Variants in CACNA1E observed in about 807,000 individuals in gnomAD.
CACNA1E encodes the protein calcium voltage-gated channel subunit alpha1 E.
A neutral mutation model predicts 259.2 loss-of-function variants in CACNA1E; 40 were observed. That is an observed-to-expected ratio of 0.15 (90% CI 0.12 to 0.20). The LOEUF (loss-of-function observed/expected upper bound fraction) is 0.20. Ranked by LOEUF, CACNA1E falls within the 10% of genes least tolerant of loss-of-function variation. The pLI, the probability that CACNA1E is intolerant of heterozygous loss-of-function variation, is 1.00. For synonymous variants in CACNA1E, 1,104 were observed against 1,138.5 expected, an observed-to-expected ratio of 0.97 and a Z score of 0.61; for missense variants, 1,874 against 3,040.1, an observed-to-expected ratio of 0.62 and a Z score of 9.02.
At chr1:181,594,059 A>C (rs1388195918) in intron 6 of CACNA1E, among the ~76,000 whole-genome samples, 1 of 152,218 alleles carries the variant, frequency 6.6e-6, no homozygotes, top group African/African-American at 2.4e-5. Context: ...TAAAAAGTTA[A>C]GAACATCATT....
chr1:181,731,873 A>G (rs1472439823), intron 19 of CACNA1E, among the ~76,000 whole-genome samples: 1 of 151,866 alleles, frequency 6.6e-6, no homozygotes, highest in Non-Finnish European at 1.5e-5. Flanking sequence ...TTTTTGTAAT[A>G]AGTCTGCCTG....
At chr1:181,766,309 C>T (rs1376326071) in intron 34 of CACNA1E, among the ~76,000 whole-genome samples, 13 of 152,200 alleles carry the variant, frequency 8.5e-5, no homozygotes, top group Admixed American at 8.5e-4. Flanking sequence ...GAGTGAATCT[C>T]CCTGATAGAG....
At chr1:181,459,482 C>G (rs1177631451) in intron 2 of CACNA1E, among the ~76,000 whole-genome samples, 1 of 152,248 alleles carries the variant, frequency 6.6e-6, no homozygotes, top group Non-Finnish European at 1.5e-5. Flanking sequence ...CCAAGTAAAC[C>G]AGTCATAGTA....
At chr1:181,796,005 C>T (rs1338516392) in intron 46 of CACNA1E, among the ~76,000 whole-genome samples, 3 of 151,854 alleles carry the variant, frequency 2.0e-5, no homozygotes, top group Non-Finnish European at 4.4e-5. Context: ...GCCACCTTCC[C>T]CCCAAAAAGT....
chr1:181,785,547 A>G (rs918541889), intron 42 of CACNA1E, 129 bp downstream of exon 42: 9 of 861,204 alleles, frequency 1.0e-5, no homozygotes, highest in South Asian at 7.2e-5. Context: ...GCGGGGCCCA[A>G]GAACTTTCTA....
chr1:181,431,970 G>T (rs1659744973), intron 2 of CACNA1E, among the ~76,000 whole-genome samples: 1 of 152,118 alleles, frequency 6.6e-6, no homozygotes, highest in Non-Finnish European at 1.5e-5. Context: ...ATGTCAACAG[G>T]GTCTGCCCAC....
chr1:181,709,921 G>T (rs1653169547), intron 7 of CACNA1E, among the ~76,000 whole-genome samples: 1 of 152,226 alleles, frequency 6.6e-6, no homozygotes, highest in Admixed American at 6.5e-5. Context: ...GTTTGGTGAT[G>T]AGAGAGGCAT....
At chr1:181,426,313 C>T (rs1353757151) in intron 2 of CACNA1E, among the ~76,000 whole-genome samples, 2 of 151,952 alleles carry the variant, frequency 1.3e-5, no homozygotes, top group Non-Finnish European at 2.9e-5. Context: ...TATGTCAACC[C>T]TTATCAATTA....
intron 32 of CACNA1E, among the ~76,000 whole-genome samples, chr1:181,761,116 T>C (rs556320323): frequency 4.3e-4 from 66 of 152,350 alleles, no homozygotes; most frequent in African/African-American, 1.5e-3. Flanking sequence ...CATAGGTACA[T>C]GTGGCTTTGT....
intron 3 of CACNA1E, among the ~76,000 whole-genome samples, chr1:181,530,509 C>G (rs1667702300): frequency 6.6e-6 from 1 of 152,126 alleles, no homozygotes; most frequent in Non-Finnish European, 1.5e-5. Context: ...GAAAGCCCAC[C>G]TAGACCCAAA....
chr1:181,558,927 C>T (rs533550727), intron 3 of CACNA1E, among the ~76,000 whole-genome samples: 34 of 152,256 alleles, frequency 2.2e-4, no homozygotes, highest in Admixed American at 7.2e-4. Context: ...TCCTACAAGA[C>T]GGTCTTTTGG....
chr1:181,625,913 C>G (rs1162321946), intron 6 of CACNA1E, among the ~76,000 whole-genome samples: 1 of 152,140 alleles, frequency 6.6e-6, no homozygotes, highest in African/African-American at 2.4e-5. Flanking sequence ...CTTCCTTTCA[C>G]TTGAACACTT....
At chr1:181,486,362 T>C (rs1233405876) in intron 1 of CACNA1E, among the ~76,000 whole-genome samples, 1 of 152,242 alleles carries the variant, frequency 6.6e-6, no homozygotes, top group Non-Finnish European at 1.5e-5. Flanking sequence ...TGGAGCCCTG[T>C]TGGAAAATAT....
intron 6 of CACNA1E, among the ~76,000 whole-genome samples, chr1:181,585,152 G>C (rs75989267): frequency 0.029 from 4,489 of 152,276 alleles, 101 homozygotes; most frequent in Non-Finnish European, 0.048. Context: ...AGAGGGATTG[G>C]TAAGTGGATC....
At chr1:181,541,048 C>T (rs1360453416) in intron 3 of CACNA1E, among the ~76,000 whole-genome samples, 1 of 152,170 alleles carries the variant, frequency 6.6e-6, no homozygotes, top group Non-Finnish European at 1.5e-5. Flanking sequence ...AAATCCAAAA[C>T]ACCTCTGCTC....
Position 181,654,876 on chromosome 1 carries a change from C to G in CACNA1E, c.1055+3435C>G, listed in dbSNP as rs1370700823. 3.3e-5 allele frequency among the ~76,000 whole-genome samples: 5 copies of G among 150,470 alleles called. No individual in the cohort carries two copies. The South Asian group carries it at 8.5e-4, about 25-fold the overall frequency. On this transcript the variant is annotated intron_variant, in intron 7 of 47. Transcript: ENST00000367573. ...GCGGGCGCCTGTAGTCCCAGCTACG[C>G]GAGAGGCTGAGGCAGGAGAATGGCG... is the stretch of plus-strand genomic sequence containing the variant.
At chr1:181,417,966 A>AT (rs1028942370) in intron 2 of CACNA1E, among the ~76,000 whole-genome samples, 17 of 149,948 alleles carry the variant, frequency 1.1e-4, no homozygotes, top group African/African-American at 3.2e-4. Flanking sequence ...TTCTGTCTCC[A>AT]TTTTTTTTTC....
At chr1:181,579,795 A>T (rs1431703432) in intron 5 of CACNA1E, among the ~76,000 whole-genome samples, 1 of 152,214 alleles carries the variant, frequency 6.6e-6, no homozygotes. Flanking sequence ...GTCCAGAGTC[A>T]GAGTTGGGTC....
intron 7 of CACNA1E, among the ~76,000 whole-genome samples, chr1:181,656,515 C>A (rs927515220): frequency 1.3e-5 from 2 of 152,026 alleles, no homozygotes; most frequent in Non-Finnish European, 2.9e-5. Flanking sequence ...GCATTATTGC[C>A]AAAGAGTCTA....
Sources: allele counts gnomAD v4.1 joint callset (sites outside exome capture counted in the v4.1 genomes callset), GRCh38; gene constraint gnomAD v4.1.1; transcripts MANE v1.5; gene names NCBI Gene and HGNC (gene_info 2026-07-23, HGNC 2026-07-21).